Variants in PIK3C3 observed in about 807,000 individuals in gnomAD.
The protein encoded by PIK3C3 is phosphatidylinositol 3-kinase catalytic subunit type 3.
A neutral mutation model predicts 126.1 loss-of-function variants in PIK3C3; 95 were observed. The ratio of observed to expected loss-of-function variants is 0.75; its 90% CI spans 0.64 to 0.89. The LOEUF (loss-of-function observed/expected upper bound fraction) is 0.89, where lower values mean the gene tolerates loss of function less well. PIK3C3 is among the 40% of genes least tolerant of loss of function. The pLI is 0.00. For missense variants in PIK3C3, 829 were observed against 1,063.2 expected (o/e 0.78, Z 3.06); for synonymous variants, 374 against 360.0 (o/e 1.04, Z -0.44).
At chr18:41,976,549 A>AT (rs1555672377) in intron 4 of PIK3C3, among the ~76,000 whole-genome samples, 1 of 152,198 alleles carries the variant, frequency 6.6e-6, no homozygotes, top group African/African-American at 2.4e-5. Flanking sequence ...TTTAGAGACC[A>AT]TTTTTTATTC....
intron 4 of PIK3C3, chr18:41,984,749 T>C (rs1981379881): frequency 6.6e-6 from 1 of 152,232 alleles, no homozygotes; most frequent in African/African-American, 2.4e-5. Context: ...TATTATTTGC[T>C]TGGACTCTCT....
At chr18:41,981,080 C>A (rs1257232392) in intron 4 of PIK3C3, among the ~76,000 whole-genome samples, 1 of 152,136 alleles carries the variant, frequency 6.6e-6, no homozygotes, top group Non-Finnish European at 1.5e-5. Context: ...TCTGGTATAG[C>A]TTTTATAAAC....
At chr18:42,076,194 A>G (rs958345100) in intron 24 of PIK3C3, among the ~76,000 whole-genome samples, 12 of 99,502 alleles carry the variant, frequency 1.2e-4, no homozygotes, top group South Asian at 5.5e-4. Context: ...ATATATATGC[A>G]CACATATATA....
At chr18:42,057,789 G>A (rs950803925) in intron 21 of PIK3C3, 94 bp from the exon 22 acceptor site, 1 of 1,100,410 alleles carries the variant, frequency 9.1e-7, no homozygotes, top group Admixed American at 2.1e-5. Flanking sequence ...TATTCTTTAT[G>A]AAGAGACACT....
chr18:42,078,713 T>C (rs1986129286), intron 24 of PIK3C3, among the ~76,000 whole-genome samples: 2 of 152,250 alleles, frequency 1.3e-5, no homozygotes, highest in Non-Finnish European at 2.9e-5. Flanking sequence ...CCTTCATCAA[T>C]GATCTTAGCT....
intron 21 of PIK3C3, among the ~76,000 whole-genome samples, chr18:42,052,323 A>G (rs986198961): frequency 6.6e-6 from 1 of 152,152 alleles, no homozygotes; most frequent in Admixed American, 6.5e-5. Flanking sequence ...ACAGTTTTCC[A>G]CTAGAGGGTG....
At chr18:42,076,337 T>C (rs1011242865) in intron 24 of PIK3C3, among the ~76,000 whole-genome samples, 1 of 151,672 alleles carries the variant, frequency 6.6e-6, no homozygotes, top group Non-Finnish European at 1.5e-5. Flanking sequence ...ATTTTACTTG[T>C]AAATTTAAAT....
At chr18:42,071,731 A>G (rs1489750464) in intron 24 of PIK3C3, among the ~76,000 whole-genome samples, 1 of 151,920 alleles carries the variant, frequency 6.6e-6, no homozygotes, top group Admixed American at 6.6e-5. Flanking sequence ...AAAAAAAAAA[A>G]AAAATTAATA....
chr18:42,071,373 AGTAT>A, intron 24 of PIK3C3, among the ~76,000 whole-genome samples: 1 of 152,302 alleles, frequency 6.6e-6, no homozygotes, highest in South Asian at 2.1e-4. Context: ...TGATAATACA[AGTAT>A]GTTTTAGTGT....
chr18:41,958,690 T>C (rs1979919761), intron 2 of PIK3C3, among the ~76,000 whole-genome samples: 3 of 152,132 alleles, frequency 2.0e-5, no homozygotes, highest in Non-Finnish European at 2.9e-5. Flanking sequence ...TGTATATATA[T>C]ATGTGTGTAT....
intron 13 of PIK3C3, among the ~76,000 whole-genome samples, chr18:42,023,858 T>G (rs371754966): frequency 7.0e-4 from 107 of 152,218 alleles, no homozygotes; most frequent in Non-Finnish European, 1.4e-3. Flanking sequence ...TGAATTTCCT[T>G]TTTTCATTTG....
chr18:41,996,039 G>A, intron 8 of PIK3C3, 45 bp downstream of exon 8: 1 of 1,286,646 alleles, frequency 7.8e-7, no homozygotes, highest in Non-Finnish European at 1.1e-6. Flanking sequence ...TTAAATGGGT[G>A]TTCTGGTTGA....
At chr18:42,075,785 T>A (rs2144532925) in intron 24 of PIK3C3, among the ~76,000 whole-genome samples, 1 of 150,130 alleles carries the variant, frequency 6.7e-6, no homozygotes, top group East Asian at 1.9e-4. Flanking sequence ...AGTCACCAGC[T>A]GCATTAGCCC....
chr18:42,001,766 G>C (rs1353032270), intron 9 of PIK3C3, among the ~76,000 whole-genome samples: 1 of 152,066 alleles, frequency 6.6e-6, no homozygotes, highest in Non-Finnish European at 1.5e-5. Flanking sequence ...GAGTACATCG[G>C]CATGCTACAA....
chr18:42,016,420 A>T (rs117103362), intron 12 of PIK3C3, among the ~76,000 whole-genome samples: 1,972 of 152,246 alleles, frequency 0.013, 16 homozygotes, highest in South Asian at 0.021. Context: ...TGATTCATTG[A>T]TTCAGTCATT....
intron 24 of PIK3C3, among the ~76,000 whole-genome samples, chr18:42,080,797 A>G (rs1303067708): frequency 6.6e-6 from 1 of 152,184 alleles, no homozygotes; most frequent in Non-Finnish European, 1.5e-5. Context: ...CTTTATCTAA[A>G]TCACTTTAGA....
Position 41,970,347 on chromosome 18 carries a change from A to G in PIK3C3, c.422A>G (p.His141Arg), listed in dbSNP as rs1012755928. Residue 141 changes from histidine (H) to arginine (R), a missense_variant, in exon 4 of 25, where the codon CAT (histidine) becomes CGT (arginine). Transcript: ENST00000262039. The part of the protein sequence containing the change: ...GKYGMFRQGM[H>R]DLKVWPNVEA... ...CCTAGCATGTTTCGCCAAGGGATGC[A>G]TGACTTGAAAGTCTGGCCTAATGTA... 1.4e-5 allele frequency: 22 copies of G among 1,613,546 alleles called. No individual in the cohort carries two copies. Among genetic ancestry groups the G allele is most frequent in the Non-Finnish European group, 1.8e-5 (21 of 1,179,614 alleles).
intron 19 of PIK3C3, among the ~76,000 whole-genome samples, chr18:42,041,713 G>T (rs1174163645): frequency 6.6e-6 from 1 of 151,956 alleles, no homozygotes; most frequent in Non-Finnish European, 1.5e-5. Flanking sequence ...CTATTTAATT[G>T]TTCCATTTAT....
chr18:42,021,562 A>T (rs982422137), intron 13 of PIK3C3, among the ~76,000 whole-genome samples: 1 of 152,158 alleles, frequency 6.6e-6, no homozygotes, highest in African/African-American at 2.4e-5. Flanking sequence ...CCTTTGGGAG[A>T]ATCCTTAAAA....
Sources: allele counts gnomAD v4.1 joint callset (sites outside exome capture counted in the v4.1 genomes callset), GRCh38; gene constraint gnomAD v4.1.1; transcripts MANE v1.5; gene names NCBI Gene and HGNC (gene_info 2026-07-23, HGNC 2026-07-21).